ZNF25: variants seen among roughly 807,000 people sequenced by gnomAD.
ZNF25 encodes zinc finger protein 25, also known as zinc finger protein 25 (KOX 19).
A neutral mutation model predicts 30.9 loss-of-function variants in ZNF25; 21 were observed. The ratio of observed to expected loss-of-function variants is 0.68; its 90% confidence interval spans 0.48 to 0.98. The LOEUF is 0.98. ZNF25 is among the 50% of genes least tolerant of loss of function. ZNF25 has a pLI of 0.00. For missense variants in ZNF25, 501 were observed against 529.9 expected, an observed-to-expected ratio of 0.95 and a Z score of 0.54; for synonymous variants, 169 against 181.3, an observed-to-expected ratio of 0.93 and a Z score of 0.55.
chr10:37,969,341 A>G (rs2063359273), intron 2 of ZNF25, among the ~76,000 whole-genome samples: 1 of 152,252 alleles, frequency 6.6e-6, no homozygotes, highest in African/African-American at 2.4e-5. Flanking sequence ...AGCATTATTC[A>G]TAATAACCAA....
intron 4 of ZNF25, among the ~76,000 whole-genome samples, chr10:37,954,669 T>C (rs190033643): frequency 4.1e-3 from 620 of 152,260 alleles, no homozygotes; most frequent in Middle Eastern, 6.8e-3. Context: ...TCTTTAAAGG[T>C]CCAATTATTG....
intron 2 of ZNF25, among the ~76,000 whole-genome samples, chr10:37,967,435 T>A (rs925911321): frequency 6.6e-6 from 1 of 151,578 alleles, no homozygotes; most frequent in African/African-American, 2.4e-5. Context: ...TTTTTTTTTT[T>A]CTGAGACAGG....
chr10:37,950,194 T>C lies in ZNF25; in HGVS notation c.*1933A>G, dbSNP rs2062071376. ...AGGCTCAAGGGCATGTGGTGTCTGCTACAACTACTCAACTCTGCTGGGGTA... is the reference window on the plus strand; with the variant it reads ...AGGCTCAAGGGCATGTGGTGTCTGCCACAACTACTCAACTCTGCTGGGGTA... On this transcript the variant is annotated 3_prime_UTR_variant, in exon 6 of 6. Transcript: ENST00000302609. 1 of 152,662 alleles carries C rather than the reference T, an allele frequency of 6.6e-6. No homozygotes were observed. Among genetic ancestry groups the C allele is most frequent in the Admixed American group, 6.5e-5 (1 of 15,272 alleles). The allele number at this position is 152,662 out of a possible 1,614,324, so 9.5% of individuals were successfully genotyped here.
intron 2 of ZNF25, among the ~76,000 whole-genome samples, chr10:37,967,320 T>C (rs1161419447): frequency 6.6e-6 from 1 of 152,180 alleles, no homozygotes; most frequent in Non-Finnish European, 1.5e-5. Flanking sequence ...GCTGCAGTTA[T>C]CAAAACAGTG....
chr10:37,956,692 A>G (rs1241276800), intron 4 of ZNF25, among the ~76,000 whole-genome samples: 2 of 152,208 alleles, frequency 1.3e-5, no homozygotes, highest in African/African-American at 4.8e-5. Context: ...CGAGGTGGGC[A>G]GATCACCTGA....
In ZNF25 at chr10:37,952,068, T is replaced by G. The variant is rs1238548432; in HGVS notation, c.*59A>C. On this transcript the variant is annotated 3_prime_UTR_variant, in exon 6 of 6. Coordinates refer to ENST00000302609, the MANE Select transcript of ZNF25 (RefSeq NM_145011.4). ...TGCGATTCATAAGGTGTACCTCTTGTGTGAATTATCTGATTGTTTTGAAGG... is the reference window on the plus strand; with the variant it reads ...TGCGATTCATAAGGTGTACCTCTTGGGTGAATTATCTGATTGTTTTGAAGG... 5 of 1,473,950 alleles carry G rather than the reference T, an allele frequency of 3.4e-6. No homozygotes were observed. The Admixed American group carries it at 1.1e-4, about 34-fold the overall frequency. The allele number at this position is 1,473,950 out of a possible 1,614,324, so 91.3% of individuals were successfully genotyped here. A position where few individuals can be genotyped will look rare whatever the true frequency, so the allele number is the denominator to read the frequency against.
At chr10:37,975,056 T>C (rs2063724791) in intron 1 of ZNF25, among the ~76,000 whole-genome samples, 1 of 152,112 alleles carries the variant, frequency 6.6e-6, no homozygotes, top group South Asian at 2.1e-4. Flanking sequence ...GGAGCTAAGA[T>C]AGTTGATCTC....
chr10:37,964,875 G>C (rs1220033589), intron 2 of ZNF25, among the ~76,000 whole-genome samples: 3 of 152,300 alleles, frequency 2.0e-5, no homozygotes, highest in Non-Finnish European at 4.4e-5. Context: ...AGGCATTTCA[G>C]AGATCTTTGG....
chr10:37,953,388 T>TTAAATA, intron 5 of ZNF25, 193 bp from the exon 6 acceptor site: 1 of 625,670 alleles, frequency 1.6e-6, no homozygotes, highest in Non-Finnish European at 2.7e-6. Context: ...TTTGGTAAGG[T>TTAAATA]GAATCTGCAT....
chr10:37,963,889 C>T (rs559842482), intron 2 of ZNF25, among the ~76,000 whole-genome samples: 9 of 152,258 alleles, frequency 5.9e-5, no homozygotes, highest in African/African-American at 9.6e-5. Flanking sequence ...GGAGGAGAAT[C>T]GCTTCAACCT....
intron 2 of ZNF25, among the ~76,000 whole-genome samples, chr10:37,960,623 C>CAAAAAAAAAAAAAA (rs201582068): frequency 3.0e-5 from 2 of 65,724 alleles, no homozygotes; most frequent in African/African-American, 6.8e-5. Context: ...GACTCCATCT[C>CAAAAAAAAAAAAAA]AAAAAAAAAA....
intron 2 of ZNF25, among the ~76,000 whole-genome samples, chr10:37,966,003 A>T (rs1440876273): frequency 6.6e-6 from 1 of 152,226 alleles, no homozygotes; most frequent in Non-Finnish European, 1.5e-5. Context: ...AAGAGTAACC[A>T]CTAAAAACAC....
rs1334851925 is a variant in ZNF25, at chr10:37,952,753, G to C, written c.745C>G (p.Gln249Glu). The C allele has an allele frequency of 1.9e-6, 3 of 1,613,804 alleles. No individual in the cohort carries two copies. Among genetic ancestry groups the C allele is most frequent in the African/African-American group, 1.3e-5 (1 of 74,814 alleles). The change falls in exon 6 of 6, where the codon CAG becomes GAG. Residue 249 changes from glutamine to glutamate, a missense_variant. Coordinates refer to ENST00000302609, the MANE Select transcript of ZNF25 (RefSeq NM_145011.4). The stretch of plus-strand genomic sequence containing the variant: ...GGTTTCTCCCCTGTGTGTGTTTTCT[G>C]ATGTACCATGAGGTATGCCTTCACA... Reference protein sequence around the residue: ...FYVKAYLMVHQKTHTGEKPYE... With the variant: ...FYVKAYLMVHEKTHTGEKPYE...
rs1391544466 is a variant in ZNF25, at chr10:37,952,733, C to G, written c.765G>C (p.Glu255Asp). The change falls in exon 6 of 6, where the codon GAG becomes GAC. Residue 255 changes from glutamate to aspartate, a missense_variant. Physicochemically the swap from Glu to Asp is conservative, Grantham distance 45. Transcript: ENST00000302609. ...CACACTCCTTACACTCATAGGGTTT[C>G]TCCCCTGTGTGTGTTTTCTGATGTA... ...LMVHQKTHTG[E>D]KPYECKECGK... 1 of 1,613,952 alleles carries G rather than the reference C, an allele frequency of 6.2e-7. No homozygotes were observed. Among genetic ancestry groups the G allele is most frequent in the Non-Finnish European group, 8.5e-7 (1 of 1,180,000 alleles).
At position 37,952,158 on chromosome 10, in the gene ZNF25, G is replaced by T. The variant is rs1014515806; in HGVS notation, c.1340C>A (p.Thr447Lys). 1 of 1,583,992 alleles carries T rather than the reference G, an allele frequency of 6.3e-7. No homozygotes were observed. The change falls in exon 6 of 6, where the codon ACA becomes AAA. Residue 447 changes from threonine to lysine, a missense_variant. Physicochemically the swap from Thr to Lys is moderately conservative, Grantham distance 78. Transcript: ENST00000302609. Reference sequence around the variant, plus strand: ...CTCAGCATTCCTCTTCTTTGTGTGTGTCTTCTGATGTGCAGTGAGTTGTGA... The same window carrying T: ...CTCAGCATTCCTCTTCTTTGTGTGTTTCTTCTGATGTGCAGTGAGTTGTGA... ...QKSQLTAHQK[T>K]HTKKRNAEK
At chr10:37,969,781 A>G (rs1388426561) in intron 2 of ZNF25, among the ~76,000 whole-genome samples, 1 of 152,268 alleles carries the variant, frequency 6.6e-6, no homozygotes, top group Non-Finnish European at 1.5e-5. Context: ...ACTTCAATTA[A>G]AACAAGTAAA....
At chr10:37,972,670 G>T (rs752620136) in intron 1 of ZNF25, among the ~76,000 whole-genome samples, 6 of 152,130 alleles carry the variant, frequency 3.9e-5, no homozygotes, top group Non-Finnish European at 7.3e-5. Context: ...GGTAGCAAAA[G>T]GCAACTACGT....
At chr10:37,973,859 T>G (rs1221760327) in intron 1 of ZNF25, among the ~76,000 whole-genome samples, 1 of 152,070 alleles carries the variant, frequency 6.6e-6, no homozygotes, top group Admixed American at 6.6e-5. Context: ...GTGGAGGCAT[T>G]GTACTACCAG....
intron 1 of ZNF25, among the ~76,000 whole-genome samples, chr10:37,973,960 G>T (rs940861611): frequency 6.6e-5 from 10 of 152,054 alleles, no homozygotes; most frequent in Admixed American, 2.0e-4. Context: ...AGAGAATTGA[G>T]AAATAAATAC....
Sources: gnomAD v4.1 joint callset for allele counts (sites outside exome capture counted in the v4.1 genomes callset) on GRCh38, gnomAD v4.1.1 for gene constraint, MANE v1.5 for transcripts, NCBI Gene and HGNC (gene_info 2026-07-23, HGNC 2026-07-21) for gene names.